Variants in NECTIN4 observed in about 807,000 individuals in gnomAD.
NECTIN4 encodes the protein nectin-4.
In NECTIN4, 19 loss-of-function variants were observed where a neutral mutation model predicts 51.7. The observed-to-expected ratio is 0.37, with a 90% CI of 0.26 to 0.54. The LOEUF is 0.54. NECTIN4 is among the 20% of genes least tolerant of loss of function. NECTIN4 has a pLI of 0.86. For synonymous variants in NECTIN4, 283 were observed against 286.9 expected, an observed-to-expected ratio of 0.99 and a Z score of 0.14; for missense variants, 619 against 662.4, an observed-to-expected ratio of 0.93 and a Z score of 0.72.
intron 2 of NECTIN4, among the ~76,000 whole-genome samples, chr1:161,078,613 A>G (rs1333583286): frequency 6.6e-6 from 1 of 151,920 alleles, no homozygotes; most frequent in Non-Finnish European, 1.5e-5. Context: ...CCAGCCAAAA[A>G]CCTTTATTTT....
In NECTIN4 at chr1:161,074,266, GCAC is replaced by G. The variant is rs747374529; in HGVS notation, c.1105_1107del (p.Val369del). The G allele has an allele frequency of 6.2e-7, 1 of 1,613,808 alleles. No homozygotes were observed. The highest frequency in any genetic ancestry group is 8.5e-7 in the Non-Finnish European group (1 of 1,179,852). On this transcript the variant is annotated inframe_deletion, in exon 6 of 9. Transcript: ENST00000368012. ...TTGCGCCGATGGTATCGGGACATGA[GCAC>G]CACCACCACCACCAGAAGGCAGAAC...
rs952386697 is a variant in NECTIN4 at position 161,089,504 on chromosome 1, G to C, written c.-208C>G. The C allele has an allele frequency of 1.7e-6, 1 of 600,810 alleles. No individual in the cohort carries two copies. The highest frequency in any genetic ancestry group is 3.0e-6 in the Non-Finnish European group (1 of 335,404). The allele number at this position is 600,810 out of a possible 1,614,324, so 37.2% of individuals were successfully genotyped here. A position where few individuals can be genotyped will look rare whatever the true frequency, so the allele number is the denominator to read the frequency against. On this transcript the variant is annotated 5_prime_UTR_variant, in exon 1 of 9. Transcript: ENST00000368012. The surrounding 1 kb of genome is among the most constrained non-coding windows in gnomAD (Gnocchi z 4.1). Reference sequence around the variant, plus strand: ...TAGCTACCCCCAAGAAGCCGTGATCGGGAGCTCCGAGCTCCCCCAGAGCTG... The same window carrying C: ...TAGCTACCCCCAAGAAGCCGTGATCCGGAGCTCCGAGCTCCCCCAGAGCTG...
At chr1:161,083,079 T>C (rs1275978311) in intron 1 of NECTIN4, among the ~76,000 whole-genome samples, 3 of 152,124 alleles carry the variant, frequency 2.0e-5, no homozygotes, top group Non-Finnish European at 4.4e-5. Context: ...TGAATGTCAA[T>C]CCTCCATGTT....
chr1:161,073,029 G>A lies in NECTIN4; in HGVS notation c.1309-144C>T. ...CAGAAGCATAGGGGCCCAGAGATCG[G>A]GGACCAGGAACAAGTGTTAGGCATG... On this transcript the variant is annotated intron_variant, in intron 8 of 8. Transcript: ENST00000368012. 6 of 947,990 alleles carry A rather than the reference G, an allele frequency of 6.3e-6. No individual in the cohort carries two copies. In the South Asian group the frequency reaches 8.3e-5, roughly 13 times the overall value. 58.7% of individuals were successfully genotyped at this position (947,990 alleles called of 1,614,324 possible).
At position 161,077,434 on chromosome 1, in the gene NECTIN4, C is replaced by T; in HGVS notation, c.730+19G>A. On this transcript the variant is annotated intron_variant, in intron 3 of 8. Transcript: ENST00000368012. ...TGAGAACCCCTTGGGCCTCCCTACC[C>T]AAGCATCCAAGTACTTACAGGACAC... 3.1e-6 allele frequency: 5 copies of T among 1,613,966 alleles called. No homozygotes were observed. The highest frequency in any genetic ancestry group is 4.2e-6 in the Non-Finnish European group (5 of 1,179,946).
intron 1 of NECTIN4, among the ~76,000 whole-genome samples, chr1:161,083,183 A>C (rs116520365): frequency 6.6e-6 from 1 of 152,182 alleles, no homozygotes; most frequent in African/African-American, 2.4e-5. Context: ...CCTTCTGGAT[A>C]TCTCCCACAG....
At position 161,089,360 on chromosome 1, in the gene NECTIN4, C is replaced by A. The variant is rs942448109; in HGVS notation, c.-64G>T. 3 of 1,477,460 alleles carry A rather than the reference C, an allele frequency of 2.0e-6. No individual in the cohort carries two copies. The highest frequency in any genetic ancestry group is 2.8e-6 in the Non-Finnish European group (3 of 1,069,954). The allele number at this position is 1,477,460 out of a possible 1,614,324, so 91.5% of individuals were successfully genotyped here. A position where few individuals can be genotyped will look rare whatever the true frequency, so the allele number is the denominator to read the frequency against. On this transcript the variant is annotated 5_prime_UTR_variant, in exon 1 of 9. Transcript: ENST00000368012. The surrounding 1 kb of genome is among the most constrained non-coding windows in gnomAD (Gnocchi z 4.1). ...CCGAGATCTCCCTGGGAGCCGGCTGCAGACTTGAATAAGGAACTGACCCAG... is the reference window on the plus strand; with the variant it reads ...CCGAGATCTCCCTGGGAGCCGGCTGAAGACTTGAATAAGGAACTGACCCAG...
intron 2 of NECTIN4, 50 bp downstream of exon 2, chr1:161,079,540 T>TC (rs1316350604): frequency 6.3e-7 from 1 of 1,594,832 alleles, no homozygotes; most frequent in Admixed American, 1.7e-5. Flanking sequence ...CATCTCTGCT[T>TC]CCCCCTGCAT....
At chr1:161,081,769 G>A (rs898511352) in intron 1 of NECTIN4, among the ~76,000 whole-genome samples, 22 of 152,180 alleles carry the variant, frequency 1.4e-4, no homozygotes, top group Non-Finnish European at 2.4e-4. Flanking sequence ...TTAAGACTCC[G>A]CTTAGACATC....
intron 1 of NECTIN4, chr1:161,087,069 T>G (rs1262975378): frequency 6.6e-6 from 1 of 152,066 alleles, no homozygotes; most frequent in African/African-American, 2.4e-5. Flanking sequence ...CCAAATAGAT[T>G]AATAGCAGAA....
At chr1:161,073,169 C>A (rs1571142933) in intron 8 of NECTIN4, 56 bp downstream of exon 8, 3 of 1,503,592 alleles carry the variant, frequency 2.0e-6, no homozygotes, top group Non-Finnish European at 2.8e-6. Context: ...ATATCTGGGA[C>A]CAGGACAGGG....
Position 161,072,196 on chromosome 1 carries a change from A to G in NECTIN4, c.*465T>C. On this transcript the variant is annotated 3_prime_UTR_variant, in exon 9 of 9. Coordinates refer to ENST00000368012, the MANE Select transcript of NECTIN4 (RefSeq NM_030916.3). Reference sequence around the variant, plus strand: ...TCCACCTCTCTCCTCCAACCTCTGCATCATTAATACTGCTCTGGGGTCTGA... The same window carrying G: ...TCCACCTCTCTCCTCCAACCTCTGCGTCATTAATACTGCTCTGGGGTCTGA... 1 of 270,862 alleles carries G rather than the reference A, an allele frequency of 3.7e-6. No individual in the cohort carries two copies. Among genetic ancestry groups the G allele is most frequent in the Non-Finnish European group, 7.3e-6 (1 of 136,366 alleles). 16.8% of individuals were successfully genotyped at this position (270,862 alleles called of 1,614,324 possible). A position where few individuals can be genotyped will look rare whatever the true frequency, so the allele number is the denominator to read the frequency against.
rs1239052940 is a variant in NECTIN4 at position 161,072,859 on chromosome 1, G to A, written c.1335C>T (p.Tyr445=). Reference sequence around the variant, plus strand: ...TCTCCCTCACCGTGGTCAGCGTGGAGTAACTGCGGCCCTCGGGCTCTTCAC... The same window carrying A: ...TCTCCCTCACCGTGGTCAGCGTGGAATAACTGCGGCCCTCGGGCTCTTCAC... ...VMSEEPEGRS[Y]STLTTVREIE... The change falls in exon 9 of 9, where the codon TAC becomes TAT. Residue 445 remains tyrosine (Y), a synonymous_variant. Transcript: ENST00000368012. The A allele has an allele frequency of 6.2e-7, 1 of 1,613,968 alleles. No individual in the cohort carries two copies. The highest frequency in any genetic ancestry group is 8.5e-7 in the Non-Finnish European group (1 of 1,179,998).
At position 161,089,258 on chromosome 1, in the gene NECTIN4, C is replaced by T. The variant is rs1184719137; in HGVS notation, c.39G>A (p.Glu13=). 14 of 1,611,904 alleles carry T rather than the reference C, an allele frequency of 8.7e-6. No individual in the cohort carries two copies. The highest frequency in any genetic ancestry group is 1.3e-5 in the African/African-American group (1 of 74,888). The change falls in exon 1 of 9, where the codon GAG becomes GAA. Residue 13 remains glutamate, a synonymous_variant. Coordinates refer to ENST00000368012, the MANE Select transcript of NECTIN4 (RefSeq NM_030916.3). The surrounding 1 kb of genome is among the most constrained non-coding windows in gnomAD (Gnocchi z 4.1). ...GCAGTAGCAGCAGCAGCAGCCAGGCCTCAGGCCCCCACATCTCGGCTCCCA... is the reference window on the plus strand; with the variant it reads ...GCAGTAGCAGCAGCAGCAGCCAGGCTTCAGGCCCCCACATCTCGGCTCCCA... ...LSLGAEMWGP[E]AWLLLLLLLA... is the part of the protein sequence containing the mutation.
rs1414502072 is a variant in NECTIN4, at chr1:161,071,712, G to A, written c.*949C>T. 7 of 150,820 alleles carry A rather than the reference G, an allele frequency of 4.6e-5. No homozygotes were observed. The highest frequency in any genetic ancestry group is 4.0e-4 in the Admixed American group (6 of 15,132). 9.3% of individuals were successfully genotyped at this position (150,820 alleles called of 1,614,324 possible). ...TTTCTTTAATTTTTTTTTTCTCTTC[G>A]TAAAGGATTCAAAGCAGGCACAGTG... On this transcript the variant is annotated 3_prime_UTR_variant, in exon 9 of 9. Coordinates refer to ENST00000368012, the MANE Select transcript of NECTIN4 (RefSeq NM_030916.3).
intron 4 of NECTIN4, among the ~76,000 whole-genome samples, chr1:161,075,931 C>G (rs954963372): frequency 6.6e-6 from 1 of 152,020 alleles, no homozygotes; most frequent in Admixed American, 6.6e-5. Flanking sequence ...CAAAAATTAG[C>G]TGGGGTTGGT....
chr1:161,080,033 G>T (rs1333416313), intron 1 of NECTIN4, 84 bp from the exon 2 acceptor site: 1 of 1,486,148 alleles, frequency 6.7e-7, no homozygotes. Flanking sequence ...TGACAGCAAA[G>T]GTGACCGGAA....
At position 161,089,156 on chromosome 1, in the gene NECTIN4, A is replaced by T; in HGVS notation, c.79+62T>A. The T allele has an allele frequency of 1.4e-6, 2 of 1,428,112 alleles. No individual in the cohort carries two copies. Among genetic ancestry groups the T allele is most frequent in the South Asian group, 1.1e-5 (1 of 87,368 alleles). 88.5% of individuals were successfully genotyped at this position (1,428,112 alleles called of 1,614,324 possible). A position where few individuals can be genotyped will look rare whatever the true frequency, so the allele number is the denominator to read the frequency against. On this transcript the variant is annotated intron_variant, in intron 1 of 8. Coordinates refer to ENST00000368012, the MANE Select transcript of NECTIN4 (RefSeq NM_030916.3). This position sits in a 1 kb window ranked among gnomAD's most constrained non-coding sequence, Gnocchi z 4.1. ...TGCGTGTGTGTCTATGTGTTTGTGC[A>T]TGTGTGTCAGTGCCAGGTTGGGCTC...
chr1:161,073,915 AGT>A, intron 6 of NECTIN4, 120 bp from the exon 7 acceptor site: 1 of 899,510 alleles, frequency 1.1e-6, no homozygotes, highest in Admixed American at 1.9e-5. Flanking sequence ...TGGCCCTGCA[AGT>A]GTGAGTGTGT....
Sources: allele counts gnomAD v4.1 joint callset (sites outside exome capture counted in the v4.1 genomes callset), GRCh38; gene constraint gnomAD v4.1.1; non-coding constraint Gnocchi (gnomAD v3.1); transcripts MANE v1.5; gene names NCBI Gene and HGNC (gene_info 2026-07-23, HGNC 2026-07-21).